Variants in DLC1 observed in about 807,000 individuals in gnomAD.
DLC1 encodes rho GTPase-activating protein 7.
In DLC1, 54 loss-of-function variants were observed where a neutral mutation model predicts 140.3. The ratio of observed to expected loss-of-function variants is 0.38; its 90% confidence interval spans 0.31 to 0.48. DLC1 has a LOEUF of 0.48. Ranked by LOEUF, DLC1 falls within the 20% of genes least tolerant of loss-of-function variation. The probability of loss-of-function intolerance (pLI) is 0.96; values close to 1 mark genes in which losing one functional copy is unlikely to be tolerated. For synonymous variants in DLC1, 986 were observed against 728.1 expected (o/e 1.35, Z -5.70); for missense variants, 2,536 against 1,907.0 (o/e 1.33, Z -6.14).
chr8:13,233,100 G>T (rs1030269508), intron 5 of DLC1, among the ~76,000 whole-genome samples: 2 of 152,030 alleles, frequency 1.3e-5, no homozygotes, highest in Admixed American at 1.3e-4. Flanking sequence ...TTTGAGACCA[G>T]CCTGGCCAAC....
At chr8:13,498,099 G>A (rs1801598923) in intron 2 of DLC1, among the ~76,000 whole-genome samples, 1 of 152,130 alleles carries the variant, frequency 6.6e-6, no homozygotes, top group African/African-American at 2.4e-5. Flanking sequence ...ATGGATGAAT[G>A]TATCAAGAGA....
At chr8:13,308,279 T>C (rs1025794094) in intron 4 of DLC1, among the ~76,000 whole-genome samples, 3 of 152,220 alleles carry the variant, frequency 2.0e-5, no homozygotes, top group Non-Finnish European at 4.4e-5. Context: ...CTGCATGACT[T>C]TTAAGCTACC....
intron 4 of DLC1, among the ~76,000 whole-genome samples, chr8:13,370,478 C>A (rs1224335205): frequency 1.3e-5 from 2 of 151,904 alleles, no homozygotes; most frequent in Non-Finnish European, 2.9e-5. Flanking sequence ...GGGTTACACT[C>A]CAGGGCAGAC....
intron 2 of DLC1, among the ~76,000 whole-genome samples, chr8:13,459,009 C>T (rs1173331638): frequency 6.6e-6 from 1 of 152,170 alleles, no homozygotes; most frequent in Admixed American, 6.5e-5. Flanking sequence ...TGATTCAATT[C>T]TATGACCACA....
chr8:13,379,205 G>GAAA (rs2117151691), intron 4 of DLC1, among the ~76,000 whole-genome samples: 1 of 152,260 alleles, frequency 6.6e-6, no homozygotes, highest in African/African-American at 2.4e-5. Context: ...CCATGCTGCT[G>GAAA]AAAAGTCAGA....
chr8:13,448,262 C>T, intron 2 of DLC1, among the ~76,000 whole-genome samples: 1 of 152,134 alleles, frequency 6.6e-6, no homozygotes, highest in East Asian at 1.9e-4. Flanking sequence ...TCATGAAACC[C>T]TGGAATAGAA....
chr8:13,567,731 C>G, intron 1 of DLC1: 1 of 1,552,076 alleles, frequency 6.4e-7, no homozygotes, highest in Non-Finnish European at 8.7e-7. Context: ...ATTGGAGAAG[C>G]ACATCAAGAC....
chr8:13,280,281 C>G (rs1831319102), intron 5 of DLC1, among the ~76,000 whole-genome samples: 1 of 115,204 alleles, frequency 8.7e-6, no homozygotes, highest in Admixed American at 9.5e-5. Flanking sequence ...GAGAGAGACT[C>G]CATCTCAAAA....
chr8:13,129,212 A>T (rs1242786858), intron 5 of DLC1, among the ~76,000 whole-genome samples: 1 of 152,230 alleles, frequency 6.6e-6, no homozygotes, highest in Non-Finnish European at 1.5e-5. Context: ...ACCCTACAGC[A>T]CTGTCTTCCT....
chr8:13,144,876 C>T (rs1823302155), intron 5 of DLC1, among the ~76,000 whole-genome samples: 1 of 152,192 alleles, frequency 6.6e-6, no homozygotes, highest in Non-Finnish European at 1.5e-5. Context: ...TAAGGAAGAA[C>T]TGCCTAGCCA....
chr8:13,435,762 T>C (rs1839092960), intron 2 of DLC1, among the ~76,000 whole-genome samples: 1 of 152,200 alleles, frequency 6.6e-6, no homozygotes, highest in African/African-American at 2.4e-5. Context: ...GAGAATTGAC[T>C]GTAATTCTGA....
In DLC1 at chr8:13,425,899, A is replaced by G. The variant is rs560382901; in HGVS notation, c.1024-24280T>C. Among the ~76,000 whole-genome samples, 73 of 152,286 alleles carry G rather than the reference A, an allele frequency of 4.8e-4. No homozygotes were observed. The South Asian group carries it at 0.011, about 24-fold the overall frequency. On this transcript the variant is annotated intron_variant, in intron 2 of 17. Transcript: ENST00000276297. ...AGGCTCAAGTGATTGTCCTCTATTTAGAACAAGTTAAAGAAAGGTCTGAAG... is the reference window on the plus strand; with the variant it reads ...AGGCTCAAGTGATTGTCCTCTATTTGGAACAAGTTAAAGAAAGGTCTGAAG...
At position 13,114,169 on chromosome 8, in the gene DLC1, T is replaced by C. The variant is rs756145102; in HGVS notation, c.1420+1417A>G. On this transcript the variant is annotated intron_variant, in intron 6 of 17. Coordinates refer to ENST00000276297, the MANE Select transcript of DLC1 (RefSeq NM_182643.3). ...CTGAGGTCGGGAGTTCACGACCAGC[T>C]TGGCCAACATGGTAAAACCCCGGCT... Among the ~76,000 whole-genome samples the C allele has an allele frequency of 5.0e-4, 76 of 152,168 alleles. 1 individual carries two copies. The highest frequency in any genetic ancestry group is 8.5e-4 in the Non-Finnish European group (58 of 68,030).
intron 1 of DLC1, among the ~76,000 whole-genome samples, chr8:13,578,885 T>C (rs1272341048): frequency 2.6e-5 from 4 of 151,934 alleles, no homozygotes; most frequent in Admixed American, 6.6e-5. Context: ...AGTAAATCTA[T>C]GGCCATTGCT....
intron 1 of DLC1, among the ~76,000 whole-genome samples, chr8:13,579,523 T>TATTTTATATTATATATTTATTATATC (rs1805000154): frequency 1.4e-5 from 1 of 73,792 alleles, no homozygotes; most frequent in African/African-American, 5.1e-5. Context: ...TTTAATATAT[T>TATTTTATATTATATATTTATTATATC]ATATTTTATA....
intron 5 of DLC1, among the ~76,000 whole-genome samples, chr8:13,196,047 C>T (rs1420687658): frequency 4.0e-5 from 6 of 150,656 alleles, no homozygotes; most frequent in Non-Finnish European, 1.5e-5. Flanking sequence ...ACAATATATA[C>T]CATTTATATA....
At chr8:13,201,387 T>C (rs917466966) in intron 5 of DLC1, among the ~76,000 whole-genome samples, 10 of 152,188 alleles carry the variant, frequency 6.6e-5, no homozygotes, top group Admixed American at 5.9e-4. Context: ...GTGTAAAACC[T>C]ACATTAAAAA....
At chr8:13,580,553 T>G (rs574586284) in intron 1 of DLC1, among the ~76,000 whole-genome samples, 1 of 152,282 alleles carries the variant, frequency 6.6e-6, no homozygotes, top group South Asian at 2.1e-4. Flanking sequence ...CTGGACTTCC[T>G]GCTCACTGTG....
chr8:13,584,702 AGAGGTAGGCACATT>A (rs1335112205), intron 1 of DLC1, among the ~76,000 whole-genome samples: 1 of 152,176 alleles, frequency 6.6e-6, no homozygotes, highest in Non-Finnish European at 1.5e-5. Context: ...GCTGGAGTGC[AGAGGTAGGCACATT>A]GAGATGTGAT....
Sources: gnomAD v4.1 joint callset for allele counts (sites outside exome capture counted in the v4.1 genomes callset) on GRCh38, gnomAD v4.1.1 for gene constraint, MANE v1.5 for transcripts, NCBI Gene and HGNC (gene_info 2026-07-23, HGNC 2026-07-21) for gene names.